FAM240A: variants seen among roughly 807,000 people sequenced by gnomAD.
The protein encoded by FAM240A is protein FAM240A.
FAM240A carries 8 observed loss-of-function variants against 7.3 expected under a neutral mutation model. The observed-to-expected ratio is 1.09, with a 90% CI of 0.64 to 1.97. FAM240A has a LOEUF of 1.97. FAM240A is among the 30% of genes most tolerant of loss of function. The pLI, the probability that FAM240A is intolerant of heterozygous loss-of-function variation, is 0.00. For missense variants in FAM240A, 90 were observed against 102.2 expected, an observed-to-expected ratio of 0.88 and a Z score of 0.52; for synonymous variants, 32 against 35.9, an observed-to-expected ratio of 0.89 and a Z score of 0.38.
At chr3:46,613,527 A>ATAAAT (rs71098423) in intron 1 of FAM240A, among the ~76,000 whole-genome samples, 2 of 150,372 alleles carry the variant, frequency 1.3e-5, no homozygotes, top group Non-Finnish European at 3.0e-5. Flanking sequence ...AAATAAATAA[A>ATAAAT]AAACAAGACA....
intron 2 of FAM240A, among the ~76,000 whole-genome samples, chr3:46,623,353 T>C (rs1050616935): frequency 1.3e-5 from 2 of 152,176 alleles, no homozygotes; most frequent in Admixed American, 6.5e-5. Context: ...CATGTATGTT[T>C]GAAAAAGAAT....
At chr3:46,613,316 A>G (rs1209847732) in intron 1 of FAM240A, among the ~76,000 whole-genome samples, 1 of 152,052 alleles carries the variant, frequency 6.6e-6, no homozygotes, top group East Asian at 1.9e-4. Flanking sequence ...CAACATGGCG[A>G]AACCCTGTCT....
In FAM240A at chr3:46,614,066, G is replaced by A. The variant is rs141311399; in HGVS notation, c.15+1368G>A. Among the ~76,000 whole-genome samples, 21 of 152,076 alleles carry A rather than the reference G, an allele frequency of 1.4e-4. No homozygotes were observed. In the East Asian group the frequency reaches 3.5e-3, roughly 25 times the overall value. On this transcript the variant is annotated intron_variant, in intron 1 of 2. Coordinates refer to ENST00000640551, the MANE Select transcript of FAM240A (RefSeq NM_001195442.2). ...CCTGAGTAGCTGGGACCACAGGCAC[G>A]TAGCACTACGCCCAGCTAATTTTTT... is the stretch of plus-strand genomic sequence containing the variant.
At chr3:46,613,528 A>AAATAAATAAATAAAT (rs1559437398) in intron 1 of FAM240A, among the ~76,000 whole-genome samples, 5 of 44,410 alleles carry the variant, frequency 1.1e-4, no homozygotes, top group African/African-American at 2.8e-4. Context: ...AATAAATAAA[A>AAATAAATAAATAAAT]AACAAGACAC....
intron 2 of FAM240A, among the ~76,000 whole-genome samples, chr3:46,619,917 A>G (rs1697676056): frequency 6.6e-6 from 1 of 152,190 alleles, no homozygotes; most frequent in Non-Finnish European, 1.5e-5. Context: ...TGTATTCTCC[A>G]AAGTCCCTAC....
chr3:46,616,721 A>ACACT (rs1553617894), intron 1 of FAM240A, among the ~76,000 whole-genome samples: 59 of 151,556 alleles, frequency 3.9e-4, no homozygotes, highest in Admixed American at 2.3e-3. Context: ...ACACACACAC[A>ACACT]CACACACATA....
Position 46,624,264 on chromosome 3 carries a change from A to ATTTTTT in FAM240A, c.162-844_162-839dup, listed in dbSNP as rs59290700. 5.5e-3 allele frequency among the ~76,000 whole-genome samples: 528 copies of ATTTTTT among 96,482 alleles called. 28 individuals carry two copies. Among genetic ancestry groups the ATTTTTT allele is most frequent in the African/African-American group, 0.019 (447 of 22,966 alleles). The allele number at this position is 96,482 out of a possible 152,430, so 63.3% of individuals were successfully genotyped here. A position where few individuals can be genotyped will look rare whatever the true frequency, so the allele number is the denominator to read the frequency against. On this transcript the variant is annotated intron_variant, in intron 2 of 2. Coordinates refer to ENST00000640551, the MANE Select transcript of FAM240A (RefSeq NM_001195442.2). ...ATAGTTTTACTTTCAACGGTGGGCT[A>ATTTTTT]TTTTTTTTTTTTTTTTTTTTTTTTT...
chr3:46,626,358 T>A lies in FAM240A; in HGVS notation c.*1140T>A, dbSNP rs1008341090. ...GAACCCCCAGCCATCCTTTGGAACA[T>A]AGGTTGTACAGGGGATCAAAGCCTT... On this transcript the variant is annotated 3_prime_UTR_variant, in exon 3 of 3. Transcript: ENST00000640551. 2 of 152,206 alleles carry A rather than the reference T, an allele frequency of 1.3e-5. No homozygotes were observed. Among genetic ancestry groups the A allele is most frequent in the Non-Finnish European group, 2.9e-5 (2 of 68,042 alleles). The allele number at this position is 152,206 out of a possible 1,614,324, so 9.4% of individuals were successfully genotyped here.
intron 1 of FAM240A, among the ~76,000 whole-genome samples, chr3:46,615,137 T>C (rs989814319): frequency 6.6e-6 from 1 of 152,112 alleles, no homozygotes; most frequent in African/African-American, 2.4e-5. Context: ...GGAGTGAACA[T>C]CTGGCTTCAA....
chr3:46,612,806 T>C, intron 1 of FAM240A, 108 bp downstream of exon 1: 1 of 851,290 alleles, frequency 1.2e-6, no homozygotes, highest in Non-Finnish European at 1.9e-6. Context: ...CAGCACGAAT[T>C]CTCTCAAGTA....
chr3:46,616,864 G>T (rs1351408980), intron 1 of FAM240A, among the ~76,000 whole-genome samples: 1 of 152,084 alleles, frequency 6.6e-6, no homozygotes, highest in Non-Finnish European at 1.5e-5. Context: ...TTTCCTTTGG[G>T]TAGGTACCCA....
intron 2 of FAM240A, among the ~76,000 whole-genome samples, chr3:46,624,479 C>T (rs1458338722): frequency 6.6e-6 from 1 of 151,962 alleles, no homozygotes; most frequent in Non-Finnish European, 1.5e-5. Flanking sequence ...ACCATATTGG[C>T]CAGGCTGGTC....
chr3:46,613,111 A>G (rs1348399098), intron 1 of FAM240A, among the ~76,000 whole-genome samples: 2 of 152,250 alleles, frequency 1.3e-5, no homozygotes, highest in Non-Finnish European at 2.9e-5. Flanking sequence ...TTTACTGAGG[A>G]ATAACTTATG....
At chr3:46,621,048 C>T (rs1208897816) in intron 2 of FAM240A, among the ~76,000 whole-genome samples, 2 of 152,120 alleles carry the variant, frequency 1.3e-5, no homozygotes, top group African/African-American at 4.8e-5. Context: ...ACTAGTTTCT[C>T]TACTTTTTTG....
chr3:46,617,534 T>C (rs1188228827), intron 2 of FAM240A, among the ~76,000 whole-genome samples: 1 of 152,180 alleles, frequency 6.6e-6, no homozygotes, highest in Non-Finnish European at 1.5e-5. Context: ...CAAGTCATGA[T>C]TATCTTGTCT....
chr3:46,617,833 T>C (rs1298385316), intron 2 of FAM240A, among the ~76,000 whole-genome samples: 1 of 152,156 alleles, frequency 6.6e-6, no homozygotes, highest in Non-Finnish European at 1.5e-5. Flanking sequence ...GCGTGGTTCC[T>C]GGAGGGGAAG....
intron 1 of FAM240A, among the ~76,000 whole-genome samples, chr3:46,615,000 T>C (rs1483729793): frequency 6.6e-6 from 1 of 152,184 alleles, no homozygotes; most frequent in Non-Finnish European, 1.5e-5. Context: ...ACTTTATAAA[T>C]TGCAGAACAC....
intron 1 of FAM240A, 73 bp from the exon 2 acceptor site, chr3:46,617,110 C>A: frequency 1.0e-6 from 1 of 978,564 alleles, no homozygotes; most frequent in South Asian, 1.8e-5. Flanking sequence ...ATTTACATTT[C>A]CCTGATGATG....
At chr3:46,619,133 A>G (rs895628779) in intron 2 of FAM240A, among the ~76,000 whole-genome samples, 3 of 152,080 alleles carry the variant, frequency 2.0e-5, no homozygotes, top group South Asian at 4.2e-4. Context: ...CTGCACTCCC[A>G]TTTAACAATC....
Sources: allele counts gnomAD v4.1 joint callset (sites outside exome capture counted in the v4.1 genomes callset), GRCh38; gene constraint gnomAD v4.1.1; transcripts MANE v1.5; gene names NCBI Gene and HGNC (gene_info 2026-07-23, HGNC 2026-07-21).